PCDHA3: variants seen among roughly 807,000 people sequenced by gnomAD.
PCDHA3 encodes the protein protocadherin alpha 3.
Under a neutral mutation model 62.2 loss-of-function variants are expected in PCDHA3, and 41 were observed. That is an observed-to-expected ratio of 0.66 (90% CI 0.51 to 0.86). PCDHA3 has a LOEUF of 0.86. Among genes scored for constraint, PCDHA3 ranks in the 40% least tolerant of loss-of-function variants. PCDHA3 has a pLI of 0.00. For synonymous variants in PCDHA3, 640 were observed against 555.4 expected (o/e 1.15, Z -2.14); for missense variants, 1,304 against 1,241.2 (o/e 1.05, Z -0.76).
Position 140,909,713 on chromosome 5 carries a change from C to G in PCDHA3, c.2395-69236C>G, listed in dbSNP as rs6870083. 8.9e-3 allele frequency among the ~76,000 whole-genome samples: 1,356 copies of G among 152,266 alleles called. 15 individuals carry two copies. The highest frequency in any genetic ancestry group is 0.032 in the African/African-American group (1,312 of 41,548). ...GGGTTCTGCTAGCTGCTAAGTATAC[C>G]TATGCCAATTATGCATTCTGGCACT... is the stretch of plus-strand genomic sequence containing the variant. On this transcript the variant is annotated intron_variant, in intron 1 of 3. Transcript: ENST00000522353.
At chr5:140,822,430 C>T (rs2150116302) in intron 1 of PCDHA3, 2 of 1,613,920 alleles carry the variant, frequency 1.2e-6, no homozygotes, top group Non-Finnish European at 1.7e-6. Flanking sequence ...TGGAGGAAAA[C>T]CCGAACTAAC....
At chr5:140,829,781 G>A (rs1554132238) in intron 1 of PCDHA3, 4 of 1,613,710 alleles carry the variant, frequency 2.5e-6, no homozygotes, top group African/African-American at 2.7e-5. Context: ...CAACGCGCCG[G>A]CGCTGCTGGC....
At chr5:140,907,092 G>C (rs1381969899) in intron 1 of PCDHA3, among the ~76,000 whole-genome samples, 4 of 152,262 alleles carry the variant, frequency 2.6e-5, no homozygotes, top group African/African-American at 9.6e-5. Context: ...GGTAAGTGGT[G>C]CCACTTCCAC....
rs2126645521 is a variant in PCDHA3, at chr5:140,813,313, C to T, written c.2394+9722C>T. ...TTCTGAGATTTCATCACTGTGCAAA[C>T]ATGAGAGTGTACTTACATATTTACA... On this transcript the variant is annotated intron_variant, in intron 1 of 3. Coordinates refer to ENST00000522353, the MANE Select transcript of PCDHA3 (RefSeq NM_018906.3). The T allele has an allele frequency of 1.1e-4, 17 of 152,282 alleles. 1 individual carries two copies. The South Asian group carries it at 3.5e-3, about 32-fold the overall frequency. The allele number at this position is 152,282 out of a possible 1,614,324, so 9.4% of individuals were successfully genotyped here.
At chr5:140,836,050 T>G (rs1344658459) in intron 1 of PCDHA3, 1 of 1,613,330 alleles carries the variant, frequency 6.2e-7, no homozygotes, top group Non-Finnish European at 8.5e-7. Context: ...GTGTTCGTGC[T>G]GGACGAGAAC....
chr5:140,801,549 C>A lies in PCDHA3; in HGVS notation c.352C>A (p.His118Asn). ...CGTGGACAGGCCGCTGCAGGTTTTC[C>A]ATGTGGAGGTGGAAGTGAAGGACAT... ...VIVDRPLQVF[H>N]VEVEVKDIND... Residue 118 changes from histidine (H) to asparagine (N), a missense_variant, in exon 1 of 4, where the codon CAT becomes AAT. Physicochemically the swap from His to Asn is moderately conservative, Grantham distance 68 (BLOSUM62 1). Coordinates refer to ENST00000522353, the MANE Select transcript of PCDHA3 (RefSeq NM_018906.3). The A allele has an allele frequency of 6.2e-7, 1 of 1,614,204 alleles. No individual in the cohort carries two copies. The highest frequency in any genetic ancestry group is 8.5e-7 in the Non-Finnish European group (1 of 1,180,036).
In PCDHA3 at chr5:140,871,159, G is replaced by T. The variant is rs781816033; in HGVS notation, c.2394+67568G>T. Reference sequence around the variant, plus strand: ...CTCTTCCCGGACTTTGGCGGGCGCCGCGAGCCCAGAGGCTGCGCTGGTGGA... The same window carrying T: ...CTCTTCCCGGACTTTGGCGGGCGCCTCGAGCCCAGAGGCTGCGCTGGTGGA... On this transcript the variant is annotated intron_variant, in intron 1 of 3. Coordinates refer to ENST00000522353, the MANE Select transcript of PCDHA3 (RefSeq NM_018906.3). The T allele has an allele frequency of 1.6e-5, 26 of 1,613,450 alleles. No individual in the cohort carries two copies. The South Asian group carries it at 2.9e-4, about 18-fold the overall frequency.
chr5:140,946,611 AATATAT>A (rs1554217734), intron 1 of PCDHA3, among the ~76,000 whole-genome samples: 5 of 86,812 alleles, frequency 5.8e-5, no homozygotes, highest in African/African-American at 2.5e-4. Context: ...GAAAATGTGA[AATATAT>A]ATATATATAT....
intron 1 of PCDHA3, chr5:140,808,475 G>T: frequency 6.2e-7 from 1 of 1,614,172 alleles, no homozygotes; most frequent in East Asian, 2.2e-5. Flanking sequence ...CGCGCGAGAC[G>T]GGGGCTCGCC....
At chr5:140,968,626 T>C in intron 1 of PCDHA3, 1 of 1,614,156 alleles carries the variant, frequency 6.2e-7, no homozygotes. Context: ...ATGCTTGGCT[T>C]TTTTACCATC....
At chr5:140,967,936 T>G in intron 1 of PCDHA3, 1 of 1,614,226 alleles carries the variant, frequency 6.2e-7, no homozygotes, top group Non-Finnish European at 8.5e-7. Flanking sequence ...TCAGTGTCAA[T>G]GACCAAGACT....
chr5:140,883,886 T>C, intron 1 of PCDHA3: 1 of 1,613,156 alleles, frequency 6.2e-7, no homozygotes, highest in Non-Finnish European at 8.5e-7. Flanking sequence ...CGCGCGCGAC[T>C]CTGGCGTGCC....
intron 1 of PCDHA3, chr5:140,835,994 G>A: frequency 1.9e-6 from 3 of 1,613,352 alleles, no homozygotes; most frequent in South Asian, 1.1e-5. Context: ...AGGTGAGCGC[G>A]CGCGATGCGG....
Position 140,801,302 on chromosome 5 carries a change from C to T in PCDHA3, c.105C>T (p.Val35=), listed in dbSNP as rs905551581. 3 of 1,613,482 alleles carry T rather than the reference C, an allele frequency of 1.9e-6. No individual in the cohort carries two copies. The highest frequency in any genetic ancestry group is 2.5e-6 in the Non-Finnish European group (3 of 1,179,930). Residue 35 remains valine (V), a synonymous_variant, in exon 1 of 4, where the codon GTC becomes GTT. Transcript: ENST00000522353. Reference sequence around the variant, plus strand: ...GGAGCGGCCAGCTCCACTACTCCGTCTCTGAGGAGGCCAAGCATGGCACCT... The same window carrying T: ...GGAGCGGCCAGCTCCACTACTCCGTTTCTGAGGAGGCCAAGCATGGCACCT... ...EVGSGQLHYS[V]SEEAKHGTFV...
intron 1 of PCDHA3, among the ~76,000 whole-genome samples, chr5:140,910,901 C>T (rs1433262630): frequency 6.6e-6 from 1 of 152,142 alleles, no homozygotes; most frequent in African/African-American, 2.4e-5. Context: ...CTATGCCTGT[C>T]CTCCAGATTT....
At chr5:140,838,792 C>T (rs185646460) in intron 1 of PCDHA3, among the ~76,000 whole-genome samples, 1,842 of 152,048 alleles carry the variant, frequency 0.012, 29 homozygotes, top group Non-Finnish European at 0.019. Flanking sequence ...CATGGTGATG[C>T]ATGTCTGTAG....
chr5:140,865,536 A>G (rs2048910301), intron 1 of PCDHA3: 1 of 152,222 alleles, frequency 6.6e-6, no homozygotes, highest in African/African-American at 2.4e-5. Flanking sequence ...CTTCATCCAT[A>G]GCTATAGGAC....
intron 1 of PCDHA3, among the ~76,000 whole-genome samples, chr5:140,933,323 T>C (rs935740276): frequency 6.6e-6 from 1 of 152,016 alleles, no homozygotes; most frequent in Admixed American, 6.6e-5. Flanking sequence ...CGTATTCTCC[T>C]GTGCTGTAGA....
At chr5:140,805,498 C>T in intron 1 of PCDHA3, 3 of 990,152 alleles carry the variant, frequency 3.0e-6, no homozygotes, top group Non-Finnish European at 3.6e-6. Context: ...AAGCTATTTT[C>T]ACTAGATTGA....
Sources: gnomAD v4.1 joint callset for allele counts (sites outside exome capture counted in the v4.1 genomes callset) on GRCh38, gnomAD v4.1.1 for gene constraint, MANE v1.5 for transcripts, NCBI Gene and HGNC (gene_info 2026-07-23, HGNC 2026-07-21) for gene names.